The following DMD variants were observed in gnomAD, a reference collection of about 807,000 sequenced individuals.
The protein encoded by DMD is dystrophin.
DMD carries 63 observed loss-of-function variants against 330.1 expected under a neutral mutation model. The ratio of observed to expected loss-of-function variants is 0.19; its 90% confidence interval spans 0.16 to 0.24. DMD has a LOEUF of 0.24. Ranked by LOEUF, DMD falls within the 10% of genes least tolerant of loss-of-function variation. The probability of loss-of-function intolerance (pLI) is 1.00; values close to 1 mark genes in which losing one functional copy is unlikely to be tolerated. For synonymous variants in DMD, 1,223 were observed against 959.8 expected (o/e 1.27, Z -5.07); for missense variants, 3,344 against 2,684.1 (o/e 1.25, Z -5.43).
intron 7 of DMD, among the ~76,000 whole-genome samples, chrX:32,794,358 G>C (rs2748303): frequency 0.45 from 50,313 of 110,790 alleles, 8,580 homozygotes; most frequent in Non-Finnish European, 0.53. Flanking sequence ...GGGAGGCAGA[G>C]GTGGGTGGAT....
At chrX:32,847,023 T>C (rs868620647) in intron 3 of DMD, among the ~76,000 whole-genome samples, 20 of 110,487 alleles carry the variant, frequency 1.8e-4, no homozygotes, top group Middle Eastern at 4.7e-3. Flanking sequence ...AAAAAATACA[T>C]GAAAGAAAAA....
chrX:32,394,908 C>CAAAAACAAAAACAAAAACAAAAAA (rs1557326692), intron 30 of DMD, among the ~76,000 whole-genome samples: 9 of 37,133 alleles, frequency 2.4e-4, no homozygotes, highest in African/African-American at 8.9e-4. Flanking sequence ...GAGCAAAAAA[C>CAAAAACAAAAACAAAAACAAAAAA]AAAAAAACAA....
chrX:31,364,321 TAA>T (rs910387526), intron 60 of DMD, among the ~76,000 whole-genome samples: 3 of 112,183 alleles, frequency 2.7e-5, no homozygotes, highest in South Asian at 3.8e-4. Context: ...ATTTGGGCCA[TAA>T]AGAGTCAAGC....
At chrX:32,464,039 T>C (rs776268048) in intron 24 of DMD, among the ~76,000 whole-genome samples, 2 of 111,639 alleles carry the variant, frequency 1.8e-5, no homozygotes, top group African/African-American at 3.3e-5. Flanking sequence ...AAGAGCAAGA[T>C]TGTTTTCTTC....
chrX:32,378,321 T>G (rs1396628408), intron 34 of DMD, among the ~76,000 whole-genome samples: 1 of 109,705 alleles, frequency 9.1e-6, no homozygotes, highest in Non-Finnish European at 1.9e-5. Flanking sequence ...ATAATTTTCC[T>G]TTTCCTAGTT....
intron 1 of DMD, among the ~76,000 whole-genome samples, chrX:33,061,109 A>G (rs1569552239): frequency 8.9e-6 from 1 of 112,385 alleles, no homozygotes; most frequent in East Asian, 2.8e-4. Context: ...TCCGTTATAT[A>G]AATTATACAT....
At chrX:31,854,952 T>C (rs930117162) in intron 48 of DMD, among the ~76,000 whole-genome samples, 5 of 111,476 alleles carry the variant, frequency 4.5e-5, no homozygotes, top group African/African-American at 1.6e-4. Context: ...TCTCCAGCAA[T>C]TGCCAAATTC....
intron 4 of DMD, among the ~76,000 whole-genome samples, chrX:32,839,087 TGTC>T (rs957823028): frequency 4.5e-5 from 5 of 111,720 alleles, no homozygotes; most frequent in African/African-American, 1.6e-4. Flanking sequence ...TTTTAGTCAT[TGTC>T]ATCTCATTTA....
intron 13 of DMD, among the ~76,000 whole-genome samples, chrX:32,578,607 T>C (rs939667283): frequency 8.9e-6 from 1 of 111,951 alleles, no homozygotes; most frequent in African/African-American, 3.3e-5. Flanking sequence ...GAAAAATGGC[T>C]ACTAAAAGAA....
chrX:31,177,390 C>T (rs773797505), intron 71 of DMD, among the ~76,000 whole-genome samples: 4 of 111,415 alleles, frequency 3.6e-5, no homozygotes, highest in East Asian at 5.6e-4. Context: ...AATGATTAGT[C>T]AAATAGCATG....
intron 43 of DMD, among the ~76,000 whole-genome samples, chrX:32,235,978 C>T (rs2097186273): frequency 9.0e-6 from 1 of 111,544 alleles, no homozygotes; most frequent in African/African-American, 3.3e-5. Flanking sequence ...TAATTTTTCT[C>T]TTTATCATTT....
At chrX:31,740,073 T>G (rs895258014) in intron 51 of DMD, among the ~76,000 whole-genome samples, 4 of 111,174 alleles carry the variant, frequency 3.6e-5, no homozygotes, top group Admixed American at 1.9e-4. Flanking sequence ...GCCTTTCACT[T>G]TCACAAGCCA....
intron 51 of DMD, among the ~76,000 whole-genome samples, chrX:31,770,646 C>T (rs2090282099): frequency 8.9e-6 from 1 of 111,805 alleles, no homozygotes; most frequent in Non-Finnish European, 1.9e-5. Flanking sequence ...ATCACCCACA[C>T]AATATCAGAG....
Position 32,655,138 on chromosome X carries a change from T to C in DMD, c.961-9986A>G, listed in dbSNP as rs143405942. Reference sequence around the variant, plus strand: ...AGGGCTTTTTGTGTCTCTATTTCCTTCAGTTGGGCTCTGATCTTAGTTATT... The same window carrying C: ...AGGGCTTTTTGTGTCTCTATTTCCTCCAGTTGGGCTCTGATCTTAGTTATT... On this transcript the variant is annotated intron_variant, in intron 9 of 78. Transcript: ENST00000357033. Among the ~76,000 whole-genome samples, 482 of 111,909 alleles carry C rather than the reference T, an allele frequency of 4.3e-3. 19 individuals carry two copies. The East Asian group carries it at 0.12, about 28-fold the overall frequency.
chrX:31,416,106 G>A (rs1282180987), intron 60 of DMD, among the ~76,000 whole-genome samples: 1 of 111,843 alleles, frequency 8.9e-6, no homozygotes, highest in African/African-American at 3.3e-5. Flanking sequence ...TATATGTGCA[G>A]TTAGTGCAAC....
chrX:32,607,119 A>C, intron 12 of DMD, among the ~76,000 whole-genome samples: 1 of 110,060 alleles, frequency 9.1e-6, no homozygotes, highest in Non-Finnish European at 1.9e-5. Flanking sequence ...AAACCTGCAC[A>C]TGCACCCCCT....
At chrX:31,816,107 C>T (rs1372004640) in intron 50 of DMD, among the ~76,000 whole-genome samples, 1 of 112,322 alleles carries the variant, frequency 8.9e-6, no homozygotes, top group African/African-American at 3.2e-5. Context: ...TTCAGACACA[C>T]AGAATTATGA....
intron 63 of DMD, among the ~76,000 whole-genome samples, chrX:31,233,642 A>T (rs547089023): frequency 7.3e-4 from 82 of 112,018 alleles, no homozygotes; most frequent in South Asian, 7.1e-3. Context: ...AATAACAGTA[A>T]ATTTCCTCAT....
chrX:33,041,056 A>T (rs887498543), intron 1 of DMD, among the ~76,000 whole-genome samples: 2 of 112,912 alleles, frequency 1.8e-5, no homozygotes, highest in African/African-American at 6.4e-5. Flanking sequence ...ACAATAAGCA[A>T]TAATCAACTC....
Sources: gnomAD v4.1 joint callset for allele counts (sites outside exome capture counted in the v4.1 genomes callset) on GRCh38, gnomAD v4.1.1 for gene constraint, MANE v1.5 for transcripts, NCBI Gene and HGNC (gene_info 2026-07-23, HGNC 2026-07-21) for gene names.